Variants in BAZ2B observed in about 807,000 individuals in gnomAD.
BAZ2B encodes the protein bromodomain adjacent to zinc finger domain 2B, also known as bromodomain adjacent to zinc finger domain protein 2B.
A neutral mutation model predicts 246.0 loss-of-function variants in BAZ2B; 91 were observed. The observed-to-expected ratio is 0.37, with a 90% CI of 0.31 to 0.44. The LOEUF (loss-of-function observed/expected upper bound fraction) is 0.44, where lower values mean the gene tolerates loss of function less well. BAZ2B is among the 20% of genes least tolerant of loss of function. The pLI is 1.00. For synonymous variants in BAZ2B, 855 were observed against 860.0 expected (o/e 0.99, Z 0.10); for missense variants, 2,332 against 2,533.7 (o/e 0.92, Z 1.71).
At chr2:159,517,270 T>C (rs1366804753) in intron 2 of BAZ2B, among the ~76,000 whole-genome samples, 1 of 152,020 alleles carries the variant, frequency 6.6e-6, no homozygotes, top group East Asian at 1.9e-4. Flanking sequence ...TTAAAAACAT[T>C]GTTAGCTTGA....
intron 27 of BAZ2B, among the ~76,000 whole-genome samples, chr2:159,355,303 T>G (rs2058983372): frequency 6.6e-6 from 1 of 152,146 alleles, no homozygotes; most frequent in South Asian, 2.1e-4. Context: ...TTGACAGTGT[T>G]ACCACAAACC....
intron 6 of BAZ2B, chr2:159,444,461 A>G (rs1284222123): frequency 6.6e-6 from 1 of 152,324 alleles, no homozygotes; most frequent in South Asian, 2.1e-4. Context: ...AATGTTTTCT[A>G]TTGAGAAGGA....
intron 33 of BAZ2B, among the ~76,000 whole-genome samples, chr2:159,335,899 G>A (rs912488098): frequency 6.6e-6 from 1 of 152,152 alleles, no homozygotes; most frequent in African/African-American, 2.4e-5. Context: ...AGTGGCTCAC[G>A]CCTGTAATCC....
intron 31 of BAZ2B, among the ~76,000 whole-genome samples, chr2:159,346,969 A>G (rs1374242823): frequency 6.6e-6 from 1 of 152,194 alleles, no homozygotes; most frequent in East Asian, 1.9e-4. Flanking sequence ...ATGTGTCAGT[A>G]TATCATAATG....
intron 1 of BAZ2B, among the ~76,000 whole-genome samples, chr2:159,588,560 T>C (rs1688593258): frequency 6.6e-6 from 1 of 152,146 alleles, no homozygotes. Flanking sequence ...AGTCCATTAT[T>C]TCCCCAATAA....
intron 27 of BAZ2B, among the ~76,000 whole-genome samples, chr2:159,368,858 T>TAAAAAAAAAA (rs58161936): frequency 8.1e-6 from 1 of 123,864 alleles, no homozygotes; most frequent in African/African-American, 3.4e-5. Context: ...CTGAAAGGCC[T>TAAAAAAAAAA]AAAAAAAAAA....
At chr2:159,492,790 T>C (rs898790667) in intron 2 of BAZ2B, among the ~76,000 whole-genome samples, 5 of 152,218 alleles carry the variant, frequency 3.3e-5, no homozygotes, top group African/African-American at 4.8e-5. Flanking sequence ...AATAATTGTA[T>C]TTCATACTTC....
At position 159,348,634 on chromosome 2, in the gene BAZ2B, T is replaced by C. The variant is rs73967820; in HGVS notation, c.5293+44A>G. On this transcript the variant is annotated intron_variant, in intron 30 of 36. Coordinates refer to ENST00000392783, the MANE Select transcript of BAZ2B (RefSeq NM_013450.4). Reference sequence around the variant, plus strand: ...TATGGTTTAGAATAATTAATTCTCATAACTAAGCAAGAAAGAAAGCTGAAA... The same window carrying C: ...TATGGTTTAGAATAATTAATTCTCACAACTAAGCAAGAAAGAAAGCTGAAA... The C allele has an allele frequency of 0.019, 29,660 of 1,551,494 alleles. 748 individuals are homozygous for C. Among genetic ancestry groups the C allele is most frequent in the African/African-American group, 0.12 (9,014 of 72,474 alleles).
intron 1 of BAZ2B, among the ~76,000 whole-genome samples, chr2:159,604,313 G>C (rs1692879067): frequency 6.6e-6 from 1 of 151,492 alleles, no homozygotes; most frequent in Non-Finnish European, 1.5e-5. Flanking sequence ...TTACTATGTT[G>C]CTCTGGCTGG....
rs550359160 is a variant in BAZ2B, at chr2:159,494,861, T to A, written c.-2-16140A>T. ...CTCAGGATATAATGAATAAGTCAATTAGGTCAAATACACTACCTCAAGGGT... is the reference window on the plus strand; with the variant it reads ...CTCAGGATATAATGAATAAGTCAATAAGGTCAAATACACTACCTCAAGGGT... On this transcript the variant is annotated intron_variant, in intron 2 of 36. Transcript: ENST00000392783. Among the ~76,000 whole-genome samples the A allele has an allele frequency of 4.1e-5, 6 of 146,010 alleles. No homozygotes were observed. The South Asian group carries it at 1.4e-3, about 33-fold the overall frequency.
At chr2:159,381,813 A>C (rs1230709311) in intron 25 of BAZ2B, among the ~76,000 whole-genome samples, 11 of 152,198 alleles carry the variant, frequency 7.2e-5, no homozygotes, top group South Asian at 2.1e-4. Flanking sequence ...AAGCACTTGC[A>C]ATCCCCTTAA....
chr2:159,442,487 TC>T (rs2073595820), intron 6 of BAZ2B, among the ~76,000 whole-genome samples: 2 of 152,210 alleles, frequency 1.3e-5, no homozygotes, highest in South Asian at 4.1e-4. Context: ...GATGTATACT[TC>T]CCCCTCATTT....
At chr2:159,678,581 G>C in the BAZ2B span, among the ~76,000 whole-genome samples, 1 of 152,126 alleles carries the variant, frequency 6.6e-6, no homozygotes, top group East Asian at 1.9e-4. Context: ...AGGTAGGACT[G>C]CTTGAGTCCA....
chr2:159,602,648 T>C (rs1228784214), intron 1 of BAZ2B, among the ~76,000 whole-genome samples: 2 of 152,128 alleles, frequency 1.3e-5, no homozygotes, highest in African/African-American at 4.8e-5. Flanking sequence ...GTGGCAGTTT[T>C]TACACAAGCA....
chr2:159,669,936 CTA>C, the BAZ2B span, among the ~76,000 whole-genome samples: 1 of 152,048 alleles, frequency 6.6e-6, no homozygotes, highest in African/African-American at 2.4e-5. Context: ...TCTATTATCT[CTA>C]TGTGTTGTTG....
intron 1 of BAZ2B, among the ~76,000 whole-genome samples, chr2:159,561,735 T>C (rs1454215931): frequency 1.3e-5 from 2 of 152,240 alleles, no homozygotes; most frequent in African/African-American, 4.8e-5. Flanking sequence ...AAAATTATTT[T>C]CTCCATTTTT....
chr2:159,382,415 T>C (rs2149502308), intron 25 of BAZ2B, 144 bp downstream of exon 25: 2 of 856,544 alleles, frequency 2.3e-6, no homozygotes, highest in Admixed American at 5.8e-5. Context: ...ATACAGATTG[T>C]AATATTTGTT....
At chr2:159,516,357 C>T (rs567455597) in intron 2 of BAZ2B, 1 of 152,050 alleles carries the variant, frequency 6.6e-6, no homozygotes, top group Non-Finnish European at 1.5e-5. Context: ...AACAACAAGC[C>T]GTGATATTTT....
upstream of BAZ2B, among the ~76,000 whole-genome samples, chr2:159,617,470 G>A (rs1696217987): frequency 6.7e-6 from 1 of 148,152 alleles, no homozygotes; most frequent in South Asian, 2.2e-4. Flanking sequence ...AAGAAGATAC[G>A]TATTTTTTTT....
Sources: gnomAD v4.1 joint callset for allele counts (sites outside exome capture counted in the v4.1 genomes callset) on GRCh38, gnomAD v4.1.1 for gene constraint, MANE v1.5 for transcripts, NCBI Gene and HGNC (gene_info 2026-07-23, HGNC 2026-07-21) for gene names.